The following KHDRBS2 variants were observed in gnomAD, a reference collection of about 807,000 sequenced individuals.
The protein encoded by KHDRBS2 is KH RNA binding domain containing, signal transduction associated 2.
A neutral mutation model predicts 44.3 loss-of-function variants in KHDRBS2; 26 were observed. The observed-to-expected ratio is 0.59, with a 90% CI of 0.43 to 0.81. KHDRBS2 has a LOEUF of 0.81. KHDRBS2 is among the 40% of genes least tolerant of loss of function. The probability of loss-of-function intolerance (pLI) is 0.00; values close to 1 mark genes in which losing one functional copy is unlikely to be tolerated. For synonymous variants in KHDRBS2, 194 were observed against 151.1 expected, an observed-to-expected ratio of 1.28 and a Z score of -2.08; for missense variants, 476 against 433.1, an observed-to-expected ratio of 1.10 and a Z score of -0.88.
intron 6 of KHDRBS2, among the ~76,000 whole-genome samples, chr6:61,827,714 ACT>A (rs1269357699): frequency 6.6e-6 from 1 of 151,360 alleles, no homozygotes; most frequent in Non-Finnish European, 1.5e-5. Flanking sequence ...TCTGGTGAGG[ACT>A]CTCTTTCTGG....
intron 4 of KHDRBS2, among the ~76,000 whole-genome samples, chr6:61,976,222 A>G (rs1183266023): frequency 4.6e-5 from 7 of 152,234 alleles, no homozygotes; most frequent in Middle Eastern, 3.4e-3. Flanking sequence ...CCATCATTCC[A>G]TCAGTCAAAC....
At chr6:62,196,124 T>G (rs984803273) in intron 1 of KHDRBS2, among the ~76,000 whole-genome samples, 4 of 152,162 alleles carry the variant, frequency 2.6e-5, no homozygotes, top group African/African-American at 9.6e-5. Flanking sequence ...AAATAGTTAA[T>G]ACTGATTTTA....
At chr6:62,049,700 A>G (rs147439644) in intron 2 of KHDRBS2, among the ~76,000 whole-genome samples, 94 of 152,132 alleles carry the variant, frequency 6.2e-4, no homozygotes, top group African/African-American at 2.2e-3. Flanking sequence ...TTGCAAAAAT[A>G]TTCTCCTGTT....
At chr6:62,008,702 C>G (rs1779731113) in intron 3 of KHDRBS2, among the ~76,000 whole-genome samples, 1 of 152,088 alleles carries the variant, frequency 6.6e-6, no homozygotes, top group South Asian at 2.1e-4. Context: ...GTGGGTCTTT[C>G]CCATGCTGTT....
intron 6 of KHDRBS2, among the ~76,000 whole-genome samples, chr6:61,744,333 T>G (rs555794673): frequency 6.6e-6 from 1 of 152,054 alleles, no homozygotes; most frequent in Admixed American, 6.6e-5. Context: ...TGGGTTATAT[T>G]GCAGGGTAGG....
At chr6:61,800,461 G>T (rs968831370) in intron 6 of KHDRBS2, among the ~76,000 whole-genome samples, 1 of 152,058 alleles carries the variant, frequency 6.6e-6, no homozygotes, top group Admixed American at 6.6e-5. Flanking sequence ...TATTTCTTGT[G>T]TCTCAGAGTT....
At chr6:62,056,410 G>A (rs1790303080) in intron 2 of KHDRBS2, among the ~76,000 whole-genome samples, 1 of 151,630 alleles carries the variant, frequency 6.6e-6, no homozygotes, top group Non-Finnish European at 1.5e-5. Flanking sequence ...TAAATAACAG[G>A]GATAATAATA....
rs376212881 is a variant in KHDRBS2, at chr6:62,125,211, C to T, written c.219+51974G>A. ...CAGGGAAAGAAAATCTGTGTGCTTGCGAGAGGAAGAGGGCAGTGATTATGT... is the reference window on the plus strand; with the variant it reads ...CAGGGAAAGAAAATCTGTGTGCTTGTGAGAGGAAGAGGGCAGTGATTATGT... On this transcript the variant is annotated intron_variant, in intron 2 of 8. Coordinates refer to ENST00000281156, the MANE Select transcript of KHDRBS2 (RefSeq NM_152688.4). Among the ~76,000 whole-genome samples, 23 of 152,174 alleles carry T rather than the reference C, an allele frequency of 1.5e-4. No homozygotes were observed. In the South Asian group the frequency reaches 2.9e-3, roughly 19 times the overall value.
intron 2 of KHDRBS2, among the ~76,000 whole-genome samples, chr6:62,164,141 T>C (rs555728076): frequency 1.1e-4 from 17 of 152,030 alleles, no homozygotes; most frequent in African/African-American, 4.1e-4. Flanking sequence ...TTTTAAGATA[T>C]GATATGCTTA....
chr6:61,724,428 G>A (rs1773216187), intron 7 of KHDRBS2, among the ~76,000 whole-genome samples: 2 of 152,062 alleles, frequency 1.3e-5, no homozygotes, highest in Admixed American at 1.3e-4. Flanking sequence ...TAATCAGCTA[G>A]CATCATGATG....
chr6:61,697,237 C>G lies in KHDRBS2; in HGVS notation c.910G>C (p.Asp304His). 1 of 1,608,590 alleles carries G rather than the reference C, an allele frequency of 6.2e-7. No individual in the cohort carries two copies. The highest frequency in any genetic ancestry group is 2.2e-5 in the East Asian group (1 of 44,788). Residue 304 changes from aspartate (D) to histidine (H), a missense_variant, in exon 8 of 9, where the codon GAC (aspartate) becomes CAC (histidine). Transcript: ENST00000281156. ...TQTQSVPEYY[D>H]YGHGVSEDAY... ...TCCTCACTTACTCCATGACCGTAGT[C>G]ATAGTATTCAGGCACACTGCAACAA...
At chr6:61,662,621 T>C in the KHDRBS2 span, among the ~76,000 whole-genome samples, 199 of 152,160 alleles carry the variant, frequency 1.3e-3, no homozygotes, top group African/African-American at 4.6e-3. Flanking sequence ...AAAGAAGACA[T>C]TTATGCAGCC....
intron 2 of KHDRBS2, among the ~76,000 whole-genome samples, chr6:62,102,391 G>A (rs1198460283): frequency 1.3e-5 from 2 of 152,180 alleles, no homozygotes; most frequent in African/African-American, 4.8e-5. Context: ...GCAGGCACCA[G>A]GCAATTCAAT....
rs1217088395 is a variant in KHDRBS2 at position 61,884,294 on chromosome 6, G to T, written c.810+10341C>A. On this transcript the variant is annotated intron_variant, in intron 6 of 8. Transcript: ENST00000281156. ...AAACTTCTCAAAAATTTGTCAAAAT[G>T]CTTTTTATACATTAGGTTAGCATGA... is the stretch of plus-strand genomic sequence containing the variant. Among the ~76,000 whole-genome samples, 6 of 152,130 alleles carry T rather than the reference G, an allele frequency of 3.9e-5. 1 individual carries two copies. Among genetic ancestry groups the T allele is most frequent in the African/African-American group, 1.2e-4 (5 of 41,542 alleles).
At chr6:61,954,276 TGTGC>T (rs1345034320) in intron 4 of KHDRBS2, among the ~76,000 whole-genome samples, 2 of 151,028 alleles carry the variant, frequency 1.3e-5, no homozygotes, top group African/African-American at 2.4e-5. Context: ...TGCATAGAAA[TGTGC>T]GTGTGTCTAC....
intron 4 of KHDRBS2, among the ~76,000 whole-genome samples, chr6:61,959,123 G>C (rs941209902): frequency 2.6e-5 from 4 of 152,102 alleles, no homozygotes; most frequent in African/African-American, 9.7e-5. Flanking sequence ...CCGGTTTCCA[G>C]CCCAGTTTCT....
intron 2 of KHDRBS2, among the ~76,000 whole-genome samples, chr6:62,121,803 T>C (rs1264267450): frequency 6.6e-6 from 1 of 152,184 alleles, no homozygotes; most frequent in Non-Finnish European, 1.5e-5. Flanking sequence ...TGGAGTTATT[T>C]ATGAGACATT....
At chr6:62,159,872 T>C (rs1434735387) in intron 2 of KHDRBS2, among the ~76,000 whole-genome samples, 1 of 152,134 alleles carries the variant, frequency 6.6e-6, no homozygotes, top group Non-Finnish European at 1.5e-5. Flanking sequence ...CTCATTGTCT[T>C]CATATCAAGT....
intron 2 of KHDRBS2, among the ~76,000 whole-genome samples, chr6:62,105,515 T>C (rs952139975): frequency 3.3e-5 from 5 of 152,154 alleles, no homozygotes; most frequent in Non-Finnish European, 7.3e-5. Flanking sequence ...GGAGGGTGTA[T>C]GTGTCGAGGA....
Sources: gnomAD v4.1 joint callset for allele counts (sites outside exome capture counted in the v4.1 genomes callset) on GRCh38, gnomAD v4.1.1 for gene constraint, MANE v1.5 for transcripts, NCBI Gene and HGNC (gene_info 2026-07-23, HGNC 2026-07-21) for gene names.